PXDNL: variants seen among roughly 807,000 people sequenced by gnomAD.
PXDNL encodes the protein probable oxidoreductase PXDNL.
Under a neutral mutation model 150.8 loss-of-function variants are expected in PXDNL, and 145 were observed. That is an observed-to-expected ratio of 0.96 (90% CI 0.84 to 1.10). The LOEUF (loss-of-function observed/expected upper bound fraction) is 1.10. Ranked by LOEUF, PXDNL falls within the 50% of genes least tolerant of loss-of-function variation. PXDNL has a pLI of 0.00. For synonymous variants in PXDNL, 757 were observed against 725.7 expected (o/e 1.04, Z -0.69); for missense variants, 2,087 against 1,873.9 (o/e 1.11, Z -2.10).
At chr8:51,578,121 G>A (rs201680052) in intron 3 of PXDNL, among the ~76,000 whole-genome samples, 11 of 125,814 alleles carry the variant, frequency 8.7e-5, no homozygotes, top group Admixed American at 5.4e-4. Flanking sequence ...AAAGAAAGAA[G>A]GAAAGAAAGA....
intron 1 of PXDNL, among the ~76,000 whole-genome samples, chr8:51,754,692 A>G (rs2037081351): frequency 6.6e-6 from 1 of 151,854 alleles, no homozygotes; most frequent in African/African-American, 2.4e-5. Context: ...TTTAGTAGAG[A>G]TACGGTTTCA....
chr8:51,502,258 G>C (rs936923547), intron 4 of PXDNL, among the ~76,000 whole-genome samples: 2 of 152,176 alleles, frequency 1.3e-5, no homozygotes, highest in African/African-American at 4.8e-5. Flanking sequence ...AGCAGCAAGT[G>C]GGGGGCGGCC....
At chr8:51,595,703 T>C (rs562653565) in intron 2 of PXDNL, among the ~76,000 whole-genome samples, 1 of 152,210 alleles carries the variant, frequency 6.6e-6, no homozygotes, top group South Asian at 2.1e-4. Context: ...GTGATTTGCA[T>C]AGTCACCAAG....
At chr8:51,502,377 G>A (rs930876639) in intron 4 of PXDNL, among the ~76,000 whole-genome samples, 23 of 152,116 alleles carry the variant, frequency 1.5e-4, no homozygotes, top group African/African-American at 5.3e-4. Context: ...ACTCCACAGG[G>A]AGAAGGAAAG....
At chr8:51,745,030 T>G (rs2036968327) in intron 1 of PXDNL, among the ~76,000 whole-genome samples, 1 of 150,430 alleles carries the variant, frequency 6.6e-6, no homozygotes, top group African/African-American at 2.4e-5. Flanking sequence ...AAGAAAGAAA[T>G]CAATTTTAAA....
chr8:51,570,040 AGTG>A (rs1238481592), intron 3 of PXDNL, among the ~76,000 whole-genome samples: 1 of 151,996 alleles, frequency 6.6e-6, no homozygotes, highest in Non-Finnish European at 1.5e-5. Context: ...TCTTAGTTAC[AGTG>A]TTTACACCCA....
chr8:51,365,727 A>C (rs1316584400), intron 19 of PXDNL, among the ~76,000 whole-genome samples: 1 of 152,192 alleles, frequency 6.6e-6, no homozygotes, highest in Non-Finnish European at 1.5e-5. Flanking sequence ...GAAAACCCAA[A>C]ATGATGGTAA....
chr8:51,399,261 C>T lies in PXDNL; in HGVS notation c.3557+8806G>A, dbSNP rs143408829. ...TATTCAAGAAAAATGGAATCATAGG[C>T]CCACAAAAAGACGTGCATGTAAGAG... On this transcript the variant is annotated intron_variant, in intron 17 of 22. Transcript: ENST00000356297. Among the ~76,000 whole-genome samples, 6 of 152,194 alleles carry T rather than the reference C, an allele frequency of 3.9e-5. No individual in the cohort carries two copies. In the East Asian group the frequency reaches 9.7e-4, roughly 25 times the overall value.
intron 12 of PXDNL, among the ~76,000 whole-genome samples, chr8:51,432,972 C>G (rs1375612136): frequency 6.6e-6 from 1 of 152,002 alleles, no homozygotes; most frequent in Non-Finnish European, 1.5e-5. Context: ...CTTTGGGAGG[C>G]CAAGGCGGGT....
At chr8:51,644,049 G>A (rs1254567034) in intron 2 of PXDNL, among the ~76,000 whole-genome samples, 1 of 151,682 alleles carries the variant, frequency 6.6e-6, no homozygotes, top group East Asian at 2.0e-4. Flanking sequence ...GGGAGGCTGA[G>A]GCAGGAGAAT....
At chr8:51,769,346 G>A (rs2037267937) in intron 1 of PXDNL, among the ~76,000 whole-genome samples, 1 of 152,178 alleles carries the variant, frequency 6.6e-6, no homozygotes, top group Non-Finnish European at 1.5e-5. Flanking sequence ...CCAAAATGCT[G>A]CTCAAATATT....
chr8:51,681,550 T>C (rs992129346), intron 1 of PXDNL, among the ~76,000 whole-genome samples: 1 of 152,102 alleles, frequency 6.6e-6, no homozygotes, highest in Non-Finnish European at 1.5e-5. Flanking sequence ...GATCTGGGGG[T>C]AAACAGGGCT....
At chr8:51,744,960 GAAAGA>G (rs1332138303) in intron 1 of PXDNL, among the ~76,000 whole-genome samples, 7 of 24,218 alleles carry the variant, frequency 2.9e-4, no homozygotes, top group African/African-American at 6.2e-4. Context: ...AAGAAAGAAA[GAAAGA>G]AAGAAAGAAA....
chr8:51,386,970 C>A (rs1469959986), intron 17 of PXDNL, among the ~76,000 whole-genome samples: 1 of 152,156 alleles, frequency 6.6e-6, no homozygotes, highest in Non-Finnish European at 1.5e-5. Context: ...TGGCTTGATG[C>A]TCTGACTTTT....
rs757928447 is a variant in PXDNL, at chr8:51,592,684, T to C, written c.251A>G (p.Asn84Ser). ...KNLNTLLLNN[N>S]HIRKISRNAF... ...ATTTCTGGAAATCTTTCTGATGTGG[T>C]TGTTGTTCAGCAGACTGAAAAAGCA... Residue 84 changes from asparagine to serine, a missense_variant, in exon 3 of 23, where the codon AAC becomes AGC. Physicochemically the swap from Asn to Ser is conservative, Grantham distance 46 (BLOSUM62 1). Coordinates refer to ENST00000356297, the MANE Select transcript of PXDNL (RefSeq NM_144651.5). 7.1e-6 allele frequency: 11 copies of C among 1,547,874 alleles called. No homozygotes were observed. Among genetic ancestry groups the C allele is most frequent in the South Asian group, 1.2e-5 (1 of 83,224 alleles).
At chr8:51,689,431 G>A (rs1410915788) in intron 1 of PXDNL, among the ~76,000 whole-genome samples, 1 of 151,652 alleles carries the variant, frequency 6.6e-6, no homozygotes, top group Non-Finnish European at 1.5e-5. Context: ...TCAAACCAAC[G>A]CAGGGCAAAT....
chr8:51,498,067 A>G (rs1010644085), intron 5 of PXDNL, among the ~76,000 whole-genome samples: 12 of 152,036 alleles, frequency 7.9e-5, no homozygotes, highest in African/African-American at 2.7e-4. Flanking sequence ...TTAAGAAAAT[A>G]TGGCACATAT....
intron 1 of PXDNL, among the ~76,000 whole-genome samples, chr8:51,694,328 C>T (rs1446596065): frequency 6.6e-6 from 1 of 151,898 alleles, no homozygotes; most frequent in Admixed American, 6.6e-5. Context: ...GTGCTACTGC[C>T]CTCCGGCCTG....
At chr8:51,798,891 C>T (rs2037589732) in intron 1 of PXDNL, among the ~76,000 whole-genome samples, 1 of 151,780 alleles carries the variant, frequency 6.6e-6, no homozygotes, top group Non-Finnish European at 1.5e-5. Context: ...ACCCAGCAAT[C>T]CCATTACTGG....
Sources: gnomAD v4.1 joint callset for allele counts (sites outside exome capture counted in the v4.1 genomes callset) on GRCh38, gnomAD v4.1.1 for gene constraint, MANE v1.5 for transcripts, NCBI Gene and HGNC (gene_info 2026-07-23, HGNC 2026-07-21) for gene names.